ABCC6: variants seen among roughly 807,000 people sequenced by gnomAD.
The protein encoded by ABCC6 is ATP-binding cassette sub-family C member 6.
In ABCC6, 126 loss-of-function variants were observed where a neutral mutation model predicts 169.5. The ratio of observed to expected loss-of-function variants is 0.74; its 90% CI spans 0.64 to 0.86. The LOEUF is 0.86. Ranked by LOEUF, ABCC6 falls within the 40% of genes least tolerant of loss-of-function variation. The pLI is 0.00. For synonymous variants in ABCC6, 752 were observed against 814.7 expected, an observed-to-expected ratio of 0.92 and a Z score of 1.31; for missense variants, 1,733 against 1,927.2, an observed-to-expected ratio of 0.90 and a Z score of 1.89.
intron 10 of ABCC6, among the ~76,000 whole-genome samples, chr16:16,195,331 TAGA>T (rs1314986805): frequency 8.1e-6 from 1 of 122,754 alleles, no homozygotes. Context: ...TTTTTTTTTT[TAGA>T]AGGAGTCTCA....
chr16:16,162,970 T>A, intron 24 of ABCC6, 23 bp downstream of exon 24: 1 of 1,613,932 alleles, frequency 6.2e-7, no homozygotes, highest in Non-Finnish European at 8.5e-7. Flanking sequence ...TTGCAAGGTC[T>A]TCTCTGCCCT....
intron 30 of ABCC6, 117 bp from the exon 31 acceptor site, chr16:16,150,358 C>CACAACCCT: frequency 5.2e-6 from 8 of 1,547,976 alleles, no homozygotes; most frequent in Non-Finnish European, 7.0e-6. Context: ...GCTTTCCATG[C>CACAACCCT]GGCTCCCTGG....
chr16:16,189,528 C>T (rs2047770785), intron 12 of ABCC6, among the ~76,000 whole-genome samples: 1 of 151,876 alleles, frequency 6.6e-6, no homozygotes, highest in Non-Finnish European at 1.5e-5. Context: ...AGTGATTCTC[C>T]TGCCTCAGAC....
chr16:16,170,939 A>G (rs2047042811), intron 21 of ABCC6, among the ~76,000 whole-genome samples: 1 of 111,436 alleles, frequency 9.0e-6, no homozygotes, highest in African/African-American at 3.4e-5. Flanking sequence ...AAAAAAAAAA[A>G]AAGAAAGAAA....
intron 10 of ABCC6, among the ~76,000 whole-genome samples, chr16:16,194,841 G>A (rs1275146025): frequency 6.6e-6 from 1 of 151,758 alleles, no homozygotes; most frequent in East Asian, 1.9e-4. Context: ...TGTGTCACTC[G>A]GCTAATTTTT....
intron 6 of ABCC6, among the ~76,000 whole-genome samples, chr16:16,209,308 T>C (rs2048513453): frequency 6.6e-6 from 1 of 152,192 alleles, no homozygotes; most frequent in Non-Finnish European, 1.5e-5. Context: ...GGTCTCGAAC[T>C]CCTGACCTCA....
At chr16:16,207,917 C>G (rs1279884508) in intron 7 of ABCC6, among the ~76,000 whole-genome samples, 1 of 151,302 alleles carries the variant, frequency 6.6e-6, no homozygotes, top group Non-Finnish European at 1.5e-5. Flanking sequence ...ACTAACAGTG[C>G]TTGAGCACTT....
chr16:16,187,636 G>A (rs1194031749), intron 13 of ABCC6, among the ~76,000 whole-genome samples: 2 of 152,122 alleles, frequency 1.3e-5, no homozygotes, highest in South Asian at 2.1e-4. Flanking sequence ...GGCTCATGCC[G>A]GTAATCCCAG....
Position 16,214,415 on chromosome 16 carries a change from G to A in ABCC6, c.509C>T (p.Thr170Ile). Residue 170 changes from threonine (T) to isoleucine (I), a missense_variant, in exon 5 of 31, where the codon ACC becomes ATC. This residue lies in a region of ABCC6 where 49 missense variants were observed against 85.8 expected (regional missense o/e 0.57). Coordinates refer to ENST00000205557, the MANE Select transcript of ABCC6 (RefSeq NM_001171.6). ...FQSDPVRHLS[T>I]YLCLSLVVAQ... Reference sequence around the variant, plus strand: ...CACCACCAGAGACAGGCATAGGTAGGTGGACAGGTGGCGGACAGGGTCGCT... The same window carrying A: ...CACCACCAGAGACAGGCATAGGTAGATGGACAGGTGGCGGACAGGGTCGCT... The A allele has an allele frequency of 6.4e-7, 1 of 1,551,366 alleles. No homozygotes were observed. Among genetic ancestry groups the A allele is most frequent in the Non-Finnish European group, 8.7e-7 (1 of 1,146,830 alleles).
rs2046648139 is a variant in ABCC6, at chr16:16,159,552, T to C, written c.3665A>G (p.Asn1222Ser). Residue 1222 changes from asparagine (N) to serine (S), a missense_variant, in exon 26 of 31, where the codon AAC (asparagine) becomes AGC (serine). Around this residue, in one of 5 missense-constraint regions of ABCC6, gnomAD observed 1,601 missense variants for 1,635.5 expected, o/e 0.98. Coordinates refer to ENST00000205557, the MANE Select transcript of ABCC6 (RefSeq NM_001171.6). ...VTQTLQWVVR[N>S]WTDLENSIVS... ...GATGCTGTTCTCTAGGTCTGTCCAGTTGCGAACAACCCACTGCAGTGTCTG... is the reference window on the plus strand; with the variant it reads ...GATGCTGTTCTCTAGGTCTGTCCAGCTGCGAACAACCCACTGCAGTGTCTG... The C allele has an allele frequency of 1.2e-6, 2 of 1,614,026 alleles. No homozygotes were observed. The highest frequency in any genetic ancestry group is 1.1e-5 in the South Asian group (1 of 91,086).
At chr16:16,165,480 A>G in intron 23 of ABCC6, 143 bp downstream of exon 23, 2 of 814,534 alleles carry the variant, frequency 2.5e-6, no homozygotes, top group Non-Finnish European at 4.0e-6. Flanking sequence ...GAAAGACTGT[A>G]GTGTCCCTGT....
chr16:16,204,176 C>A (rs1345569017), intron 7 of ABCC6, among the ~76,000 whole-genome samples: 3 of 152,048 alleles, frequency 2.0e-5, no homozygotes, highest in Non-Finnish European at 4.4e-5. Context: ...CCACCTCAGC[C>A]TCTCGAGTAG....
rs1406846744 is a variant in ABCC6 at position 16,150,674 on chromosome 16, G to A, written c.4307C>T (p.Thr1436Met). The change falls in exon 30 of 31, where the codon ACG becomes ATG. Residue 1436 changes from threonine to methionine, a missense_variant. Transcript: ENST00000205557. ...DEATAAVDPG[T>M]ELQMQAMLGS... ...GAGCATGGCCTGCATCTGCAGCTCC[G>A]TGCCAGGGTCCACGGCAGCAGTAGC... The A allele has an allele frequency of 5.6e-6, 9 of 1,613,434 alleles. No homozygotes were observed. The highest frequency in any genetic ancestry group is 2.2e-5 in the South Asian group (2 of 90,976).
chr16:16,192,995 A>G, intron 10 of ABCC6, 73 bp from the exon 11 acceptor site: 1 of 1,296,100 alleles, frequency 7.7e-7, no homozygotes, highest in Non-Finnish European at 1.1e-6. Flanking sequence ...AACCAGAGCA[A>G]CTCCATCTTG....
intron 21 of ABCC6, among the ~76,000 whole-genome samples, chr16:16,172,012 G>C (rs950912112): frequency 1.4e-4 from 21 of 146,488 alleles, no homozygotes; most frequent in Non-Finnish European, 3.0e-4. Flanking sequence ...ATGGGAGGGT[G>C]GGATGGATAA....
intron 21 of ABCC6, among the ~76,000 whole-genome samples, chr16:16,171,166 C>T (rs1022113766): frequency 6.6e-6 from 1 of 151,804 alleles, no homozygotes; most frequent in African/African-American, 2.4e-5. Flanking sequence ...TGTCACTTCT[C>T]AGAGCATCCT....
rs559279162 is a variant in ABCC6 at position 16,204,237 on chromosome 16, G to A, written c.795-624C>T. 2.6e-5 allele frequency among the ~76,000 whole-genome samples: 4 copies of A among 152,154 alleles called. No individual in the cohort carries two copies. In the East Asian group the frequency reaches 7.7e-4, roughly 29 times the overall value. On this transcript the variant is annotated intron_variant, in intron 7 of 30. Coordinates refer to ENST00000205557, the MANE Select transcript of ABCC6 (RefSeq NM_001171.6). The stretch of plus-strand genomic sequence containing the variant: ...TACCCAGCTAATTTTTGTATTTTCA[G>A]TAGAGAAGGGGTTATGCCATGTTGG...
intron 6 of ABCC6, among the ~76,000 whole-genome samples, chr16:16,209,880 G>C (rs1206479908): frequency 5.9e-5 from 9 of 152,106 alleles, no homozygotes; most frequent in Non-Finnish European, 1.5e-5. Flanking sequence ...ACAGGCGTAA[G>C]CCACCACACC....
chr16:16,176,422 A>G (rs953435962), intron 19 of ABCC6, among the ~76,000 whole-genome samples: 2 of 152,206 alleles, frequency 1.3e-5, no homozygotes, highest in East Asian at 3.9e-4. Flanking sequence ...GCAAATCTGT[A>G]GTAGTTTAAC....
Sources: allele counts gnomAD v4.1 joint callset (sites outside exome capture counted in the v4.1 genomes callset), GRCh38; gene constraint gnomAD v4.1.1; regional missense constraint gnomAD v4.1.1; transcripts MANE v1.5; gene names NCBI Gene and HGNC (gene_info 2026-07-23, HGNC 2026-07-21).